Variants in GTPBP2 observed in about 807,000 individuals in gnomAD.
The protein encoded by GTPBP2 is GTP-binding protein 2.
In GTPBP2, 32 loss-of-function variants were observed where a neutral mutation model predicts 63.0. The observed-to-expected ratio is 0.51, with a 90% CI of 0.38 to 0.68. The LOEUF is 0.68. Among genes scored for constraint, GTPBP2 ranks in the 30% least tolerant of loss-of-function variants. The pLI, the probability that GTPBP2 is intolerant of heterozygous loss-of-function variation, is 0.00. For synonymous variants in GTPBP2, 310 were observed against 322.6 expected, an observed-to-expected ratio of 0.96 and a Z score of 0.42; for missense variants, 492 against 796.9, an observed-to-expected ratio of 0.62 and a Z score of 4.61.
Position 43,629,146 on chromosome 6 carries a change from G to T in GTPBP2, c.17C>A (p.Ser6Ter). Residue 6 changes from serine (S) to a stop codon, truncating the protein, a stop_gained, in exon 1 of 12, where the codon TCG (serine) becomes TAG (stop). Coordinates refer to ENST00000307126, the MANE Select transcript of GTPBP2 (RefSeq NM_019096.5). LOFTEE classifies it high-confidence loss of function. The stretch of plus-strand genomic sequence containing the variant: ...CCGGCAGCAGCCGCCGAACAGCTCC[G>T]ATACCCGCGAGTCCATCCGCCGCTG... MDSRV[S>*]ELFGGCCRPG... The T allele has an allele frequency of 4.3e-6, 6 of 1,397,842 alleles. No individual in the cohort carries two copies. Among genetic ancestry groups the T allele is most frequent in the Non-Finnish European group, 5.6e-6 (6 of 1,074,746 alleles). 86.6% of individuals were successfully genotyped at this position (1,397,842 alleles called of 1,614,324 possible). A position where few individuals can be genotyped will look rare whatever the true frequency, so the allele number is the denominator to read the frequency against.
In GTPBP2 at chr6:43,623,793, C is replaced by A. The variant is rs554333909; in HGVS notation, c.1239G>T (p.Val413=). Residue 413 remains valine (V), a splice_region_variant and synonymous_variant, in exon 9 of 12, where the codon GTG becomes GTT. Transcript: ENST00000307126. The part of the protein sequence containing the change: ...ELMQQLTEFQ[V]DEIYTVPEVG... Reference sequence around the variant, plus strand: ...CCTCTGGTACTGTGTAGATTTCATCCACCTGAAGCCAAAGAAAACGCTATC... The same window carrying A: ...CCTCTGGTACTGTGTAGATTTCATCAACCTGAAGCCAAAGAAAACGCTATC... 1.2e-5 allele frequency: 19 copies of A among 1,610,446 alleles called. No individual in the cohort carries two copies. The East Asian group carries it at 4.0e-4, about 34-fold the overall frequency.
At position 43,626,237 on chromosome 6, in the gene GTPBP2, C is replaced by A; in HGVS notation, c.387G>T (p.Arg129=). The stretch of plus-strand genomic sequence containing the variant: ...AAGGGGAAGCATACTTCTCTGCCAT[C>A]CGGTGCAGGGTCTTGAGCGAAGCTC... ...EMRASLKTLH[R]MAEKVGADIT... Residue 129 remains arginine (R), a synonymous_variant, in exon 3 of 12, where the codon CGG becomes CGT. Transcript: ENST00000307126. The surrounding 1 kb of genome is among the most constrained non-coding windows in gnomAD (Gnocchi z 4.0). The A allele has an allele frequency of 6.2e-7, 1 of 1,614,010 alleles. No individual in the cohort carries two copies. The highest frequency in any genetic ancestry group is 8.5e-7 in the Non-Finnish European group (1 of 1,179,930).
chr6:43,629,846 G>C, upstream of GTPBP2: 1 of 1,496,570 alleles, frequency 6.7e-7, no homozygotes, highest in African/African-American at 1.4e-5. Context: ...GGATGATTAT[G>C]CTACCTTTAC....
At chr6:43,630,382 C>T (rs927676538), upstream of GTPBP2, among the ~76,000 whole-genome samples, 20 of 152,164 alleles carry the variant, frequency 1.3e-4, no homozygotes, top group Non-Finnish European at 2.1e-4. Context: ...TGACTCAGAC[C>T]ACTCACAGTG....
At position 43,625,589 on chromosome 6, in the gene GTPBP2, T is replaced by G. The variant is rs1394104289; in HGVS notation, c.508-29A>C. ...TGGATGAATTGCCAGAGATAAGAAC[T>G]CCAATCTCTCACCCCTCTAACTGAA... is the stretch of plus-strand genomic sequence containing the variant. On this transcript the variant is annotated intron_variant, in intron 4 of 11. Transcript: ENST00000307126. This position sits in a 1 kb window ranked among gnomAD's most constrained non-coding sequence, Gnocchi z 5.1. 1 of 1,564,900 alleles carries G rather than the reference T, an allele frequency of 6.4e-7. No homozygotes were observed. Among genetic ancestry groups the G allele is most frequent in the African/African-American group, 1.4e-5 (1 of 73,912 alleles).
chr6:43,630,928 AAAAG>A (rs1167608739), upstream of GTPBP2, among the ~76,000 whole-genome samples: 1 of 151,070 alleles, frequency 6.6e-6, no homozygotes, highest in Non-Finnish European at 1.5e-5. Flanking sequence ...AAAAAAAAAA[AAAAG>A]AAAGAAAAAG....
rs1769201095 is a variant in GTPBP2, at chr6:43,625,205, G to C, written c.706-143C>G. ...TATTTAATTTAGTTGATTCCCCATT[G>C]ATTTCCTAAGAGGGGCAGAGCTTGT... is the stretch of plus-strand genomic sequence containing the variant. On this transcript the variant is annotated intron_variant, in intron 5 of 11. Transcript: ENST00000307126. The surrounding 1 kb of genome is among the most constrained non-coding windows in gnomAD (Gnocchi z 5.1). The C allele has an allele frequency of 9.8e-7, 1 of 1,015,490 alleles. No homozygotes were observed. The highest frequency in any genetic ancestry group is 1.5e-6 in the Non-Finnish European group (1 of 673,678). 62.9% of individuals were successfully genotyped at this position (1,015,490 alleles called of 1,614,324 possible).
chr6:43,627,465 G>T, intron 1 of GTPBP2: 1 of 303,982 alleles, frequency 3.3e-6, no homozygotes, highest in Non-Finnish European at 4.8e-6. Context: ...CTACAAGCCT[G>T]ATGACCGAGA....
rs763912291 is a variant in GTPBP2 at position 43,625,343 on chromosome 6, G to A, written c.705+20C>T. On this transcript the variant is annotated intron_variant, in intron 5 of 11. Coordinates refer to ENST00000307126, the MANE Select transcript of GTPBP2 (RefSeq NM_019096.5). This position sits in a 1 kb window ranked among gnomAD's most constrained non-coding sequence, Gnocchi z 5.1. Reference sequence around the variant, plus strand: ...CATCCTCAGAGTCTGGCCCCATTGGGTCCCATTGATCCCATGCACCTCTCC... The same window carrying A: ...CATCCTCAGAGTCTGGCCCCATTGGATCCCATTGATCCCATGCACCTCTCC... 1.3e-4 allele frequency: 213 copies of A among 1,607,762 alleles called. No homozygotes were observed. The highest frequency in any genetic ancestry group is 1.8e-4 in the Non-Finnish European group (209 of 1,174,388).
chr6:43,629,508 G>A, upstream of GTPBP2: 1 of 610,988 alleles, frequency 1.6e-6, no homozygotes, highest in South Asian at 1.9e-5. Context: ...CTGACTTCCA[G>A]TCCTCGCGCT....
chr6:43,626,730 G>A lies in GTPBP2; in HGVS notation c.213+192C>T, dbSNP rs954713391. ...TACAAAATTAGCCAGGCATGGTGGC[G>A]CATGCCTGTAATCCCAGCTACTTGG... On this transcript the variant is annotated intron_variant, in intron 2 of 11. Coordinates refer to ENST00000307126, the MANE Select transcript of GTPBP2 (RefSeq NM_019096.5). This position sits in a 1 kb window ranked among gnomAD's most constrained non-coding sequence, Gnocchi z 4.0. 1.3e-5 allele frequency among the ~76,000 whole-genome samples: 2 copies of A among 151,812 alleles called. No homozygotes were observed. The highest frequency in any genetic ancestry group is 2.9e-5 in the Non-Finnish European group (2 of 67,968).
Position 43,629,219 on chromosome 6 carries a change from C to T in GTPBP2, c.-57G>A, listed in dbSNP as rs1162901639. 3 of 1,226,696 alleles carry T rather than the reference C, an allele frequency of 2.4e-6. No homozygotes were observed. The highest frequency in any genetic ancestry group is 3.1e-6 in the Non-Finnish European group (3 of 956,232). 76.0% of individuals were successfully genotyped at this position (1,226,696 alleles called of 1,614,324 possible). On this transcript the variant is annotated 5_prime_UTR_variant, in exon 1 of 12. Transcript: ENST00000307126. ...CTCCCCCGACCGCCGCCGCCGTCGC[C>T]GCCGCCCTTACTGCCACTGCCGTGT...
In GTPBP2 at chr6:43,629,022, C is replaced by T. The variant is rs1028229766; in HGVS notation, c.141G>A (p.Arg47=). The T allele has an allele frequency of 6.2e-7, 1 of 1,613,702 alleles. No individual in the cohort carries two copies. The change falls in exon 1 of 12, where the codon AGG becomes AGA. Residue 47 remains arginine, a synonymous_variant. Transcript: ENST00000307126. Reference sequence around the variant, plus strand: ...GGTTGTTGGCTTTGCCCCCTCTGTTCCTTCCGTTCTTCTTCTTTCCCTTTG... The same window carrying T: ...GGTTGTTGGCTTTGCCCCCTCTGTTTCTTCCGTTCTTCTTCTTTCCCTTTG... The part of the protein sequence containing the change: ...GGPKGKKKNG[R]NRGGKANNPP...
intron 1 of GTPBP2, among the ~76,000 whole-genome samples, chr6:43,628,058 A>ATTAC (rs1769525797): frequency 1.3e-5 from 2 of 152,146 alleles, no homozygotes; most frequent in South Asian, 4.1e-4. Context: ...CATCCTCACT[A>ATTAC]GTAAGAAAGA....
rs749492964 is a variant in GTPBP2, at chr6:43,624,850, C to T, written c.880+38G>A. 2 of 1,603,570 alleles carry T rather than the reference C, an allele frequency of 1.2e-6. No individual in the cohort carries two copies. Among genetic ancestry groups the T allele is most frequent in the Non-Finnish European group, 8.5e-7 (1 of 1,171,300 alleles). ...GAGGCCCAGGGTAGGAGAGTCAGCA[C>T]CCCCCTTCAGCCCTGTCCCTGCCCT... On this transcript the variant is annotated intron_variant, in intron 6 of 11. Coordinates refer to ENST00000307126, the MANE Select transcript of GTPBP2 (RefSeq NM_019096.5). The surrounding 1 kb of genome is among the most constrained non-coding windows in gnomAD (Gnocchi z 5.1).
intron 1 of GTPBP2, among the ~76,000 whole-genome samples, chr6:43,628,021 C>G (rs1279906058): frequency 6.6e-6 from 1 of 152,140 alleles, no homozygotes; most frequent in Non-Finnish European, 1.5e-5. Flanking sequence ...CACACGGGAA[C>G]TTATAAGAAA....
chr6:43,630,834 G>A (rs1313979349), upstream of GTPBP2, among the ~76,000 whole-genome samples: 1 of 149,916 alleles, frequency 6.7e-6, no homozygotes, highest in African/African-American at 2.5e-5. Flanking sequence ...GCTTGAACTC[G>A]GGAGGTAGAG....
intron 1 of GTPBP2, 188 bp from the exon 2 acceptor site, chr6:43,627,136 G>A (rs1769431161): frequency 3.1e-6 from 2 of 639,978 alleles, no homozygotes; most frequent in South Asian, 3.2e-5. Context: ...TAGCCTCTAT[G>A]AAGGGAAGGC....
rs1325905349 is a variant in GTPBP2, at chr6:43,624,356, A to G, written c.1100+154T>C. Among the ~76,000 whole-genome samples the G allele has an allele frequency of 6.6e-6, 1 of 152,212 alleles. No individual in the cohort carries two copies. Among genetic ancestry groups the G allele is most frequent in the Non-Finnish European group, 1.5e-5 (1 of 68,026 alleles). The stretch of plus-strand genomic sequence containing the variant: ...GCTCGGGAGGAGGGTCAAGCCCTTT[A>G]GCAAGATGCCCCTCCACAATCCCAA... On this transcript the variant is annotated intron_variant, in intron 7 of 11. Transcript: ENST00000307126. This position sits in a 1 kb window ranked among gnomAD's most constrained non-coding sequence, Gnocchi z 5.1.
Sources: allele counts gnomAD v4.1 joint callset (sites outside exome capture counted in the v4.1 genomes callset), GRCh38; gene constraint gnomAD v4.1.1; non-coding constraint Gnocchi (gnomAD v3.1); transcripts MANE v1.5; gene names NCBI Gene and HGNC (gene_info 2026-07-23, HGNC 2026-07-21).